The following COMMD1 variants were observed in gnomAD, a reference collection of about 807,000 sequenced individuals.
COMMD1 encodes copper metabolism domain containing 1.
Under a neutral mutation model 17.2 loss-of-function variants are expected in COMMD1, and 10 were observed. That is an observed-to-expected ratio of 0.58 (90% CI 0.36 to 0.99). The LOEUF (loss-of-function observed/expected upper bound fraction) is 0.99. Among genes scored for constraint, COMMD1 ranks in the 50% least tolerant of loss-of-function variants. The pLI, the probability that COMMD1 is intolerant of heterozygous loss-of-function variation, is 0.01. For missense variants in COMMD1, 270 were observed against 231.8 expected (o/e 1.17, Z -1.07); for synonymous variants, 97 against 91.6 (o/e 1.06, Z -0.34).
chr2:62,031,296 T>C (rs1669902388), intron 2 of COMMD1, among the ~76,000 whole-genome samples: 1 of 152,220 alleles, frequency 6.6e-6, no homozygotes, highest in South Asian at 2.1e-4. Flanking sequence ...AATGATACTA[T>C]GTTTATTGAG....
At chr2:62,012,260 CACACACACAT>C (rs1329664688) in intron 2 of COMMD1, among the ~76,000 whole-genome samples, 42 of 123,462 alleles carry the variant, frequency 3.4e-4, no homozygotes, top group African/African-American at 1.4e-3. Flanking sequence ...TTGTCTCAAA[CACACACACAT>C]ACACACACAC....
chr2:62,017,880 A>G (rs937733860), intron 2 of COMMD1, among the ~76,000 whole-genome samples: 1 of 151,868 alleles, frequency 6.6e-6, no homozygotes, highest in Non-Finnish European at 1.5e-5. Flanking sequence ...CCATCTCTAC[A>G]AAAAATTTTT....
intron 2 of COMMD1, among the ~76,000 whole-genome samples, chr2:62,066,839 C>T (rs1302560560): frequency 1.3e-5 from 2 of 151,336 alleles, no homozygotes; most frequent in South Asian, 2.1e-4. Flanking sequence ...AGTTCTTGTG[C>T]CTCAGCCTCC....
intron 2 of COMMD1, among the ~76,000 whole-genome samples, chr2:62,101,731 G>A (rs1211938078): frequency 6.6e-6 from 1 of 152,070 alleles, no homozygotes; most frequent in African/African-American, 2.4e-5. Context: ...GGCTCATGAA[G>A]TAAAGTTCTT....
intron 1 of COMMD1, among the ~76,000 whole-genome samples, chr2:61,937,205 T>G (rs1173908406): frequency 1.3e-5 from 2 of 152,204 alleles, no homozygotes; most frequent in African/African-American, 4.8e-5. Flanking sequence ...CAGTCTGCAT[T>G]AATATTAGGG....
At position 62,008,716 on chromosome 2, in the gene COMMD1, G is replaced by A. The variant is rs78631637; in HGVS notation, c.462+7734G>A. On this transcript the variant is annotated intron_variant, in intron 2 of 2. Transcript: ENST00000311832. ...GATATTCAACTATCATTTGTCAGTA[G>A]GGATTGATAAAATTTAACAGCTTGA... Among the ~76,000 whole-genome samples, 12 of 152,304 alleles carry A rather than the reference G, an allele frequency of 7.9e-5. No homozygotes were observed. The East Asian group carries it at 1.3e-3, about 17-fold the overall frequency.
chr2:61,915,745 C>G (rs1044673049), intron 1 of COMMD1: 7 of 450,932 alleles, frequency 1.6e-5, no homozygotes, highest in African/African-American at 1.0e-4. Flanking sequence ...AACCCTCTCT[C>G]TTTAGCCTCC....
At position 61,978,480 on chromosome 2, in the gene COMMD1, G is replaced by A. The variant is rs116659699; in HGVS notation, c.181-22221G>A. On this transcript the variant is annotated intron_variant, in intron 1 of 2. Transcript: ENST00000311832. Reference sequence around the variant, plus strand: ...GCTCCCAATTTCAGTTACTTAATTAGCAATTTACTAAAAAATGGTATCATT... The same window carrying A: ...GCTCCCAATTTCAGTTACTTAATTAACAATTTACTAAAAAATGGTATCATT... 4.0e-3 allele frequency among the ~76,000 whole-genome samples: 609 copies of A among 152,164 alleles called. 7 individuals carry two copies. Among genetic ancestry groups the A allele is most frequent in the African/African-American group, 0.014 (589 of 41,498 alleles).
At chr2:61,988,963 T>C (rs187075422) in intron 1 of COMMD1, among the ~76,000 whole-genome samples, 32 of 152,232 alleles carry the variant, frequency 2.1e-4, no homozygotes, top group Non-Finnish European at 3.8e-4. Context: ...TGCTGCACTC[T>C]CCCTCTCCCA....
At chr2:61,924,377 A>AGG (rs1670272243) in intron 1 of COMMD1, among the ~76,000 whole-genome samples, 1 of 78,674 alleles carries the variant, frequency 1.3e-5, no homozygotes, top group African/African-American at 5.1e-5. Flanking sequence ...TCAGAGTCGG[A>AGG]GGGGGGATGG....
intron 2 of COMMD1, among the ~76,000 whole-genome samples, chr2:62,007,086 G>C (rs187116866): frequency 6.6e-6 from 1 of 152,268 alleles, no homozygotes; most frequent in East Asian, 1.9e-4. Flanking sequence ...CCTGCATGTA[G>C]AGATCCCAAA....
At chr2:61,976,152 A>G (rs1305071157) in intron 1 of COMMD1, among the ~76,000 whole-genome samples, 1 of 151,800 alleles carries the variant, frequency 6.6e-6, no homozygotes, top group Non-Finnish European at 1.5e-5. Flanking sequence ...AATGCATACT[A>G]GGGTAGCTTT....
At chr2:62,050,298 A>AT (rs1670501283) in intron 2 of COMMD1, among the ~76,000 whole-genome samples, 1 of 152,208 alleles carries the variant, frequency 6.6e-6, no homozygotes, top group African/African-American at 2.4e-5. Context: ...TTGTAATTTC[A>AT]TTTTTTAATT....
At chr2:62,004,285 C>G (rs976253287) in intron 2 of COMMD1, among the ~76,000 whole-genome samples, 3 of 152,104 alleles carry the variant, frequency 2.0e-5, no homozygotes, top group African/African-American at 7.2e-5. Context: ...TGATATTGCA[C>G]TTTAGCCCAT....
intron 1 of COMMD1, among the ~76,000 whole-genome samples, chr2:61,949,895 G>T (rs955795144): frequency 2.6e-5 from 4 of 152,182 alleles, no homozygotes; most frequent in Admixed American, 1.3e-4. Context: ...CTGGCTGCCT[G>T]CCTGCAGACA....
At chr2:61,971,433 C>T (rs1671649384) in intron 1 of COMMD1, among the ~76,000 whole-genome samples, 3 of 152,198 alleles carry the variant, frequency 2.0e-5, no homozygotes, top group East Asian at 1.9e-4. Context: ...GAAAGTTAGT[C>T]CTCTTTCCAA....
chr2:61,914,191 A>C (rs533383659), intron 1 of COMMD1, among the ~76,000 whole-genome samples: 1 of 151,848 alleles, frequency 6.6e-6, no homozygotes. Flanking sequence ...AATAAATAAA[A>C]TTGGAAACAA....
chr2:61,934,641 G>A lies in COMMD1; in HGVS notation c.180+28783G>A, dbSNP rs1670557334. On this transcript the variant is annotated intron_variant, in intron 1 of 2. Transcript: ENST00000311832. ...AATTAATTCAATGGTAGGCTGTCAT[G>A]AAAACAAAACAGATTTCAATTAAGA... 3.9e-5 allele frequency among the ~76,000 whole-genome samples: 6 copies of A among 152,152 alleles called. No homozygotes were observed. The South Asian group carries it at 1.2e-3, about 32-fold the overall frequency.
intron 2 of COMMD1, among the ~76,000 whole-genome samples, chr2:62,009,073 C>T (rs999262601): frequency 1.5e-4 from 23 of 151,966 alleles, no homozygotes; most frequent in East Asian, 1.9e-4. Flanking sequence ...TGTGAGCCAC[C>T]GGGCCCGGTC....
Sources: gnomAD v4.1 joint callset for allele counts (sites outside exome capture counted in the v4.1 genomes callset) on GRCh38, gnomAD v4.1.1 for gene constraint, MANE v1.5 for transcripts, NCBI Gene and HGNC (gene_info 2026-07-23, HGNC 2026-07-21) for gene names.